CTNNA2: variants seen among roughly 807,000 people sequenced by gnomAD.
CTNNA2 encodes the protein catenin alpha-2.
CTNNA2 carries 42 observed loss-of-function variants against 101.0 expected under a neutral mutation model. The ratio of observed to expected loss-of-function variants is 0.42; its 90% CI spans 0.32 to 0.54. The LOEUF (loss-of-function observed/expected upper bound fraction) is 0.54, where lower values mean the gene tolerates loss of function less well. Ranked by LOEUF, CTNNA2 falls within the 20% of genes least tolerant of loss-of-function variation. The pLI, the probability that CTNNA2 is intolerant of heterozygous loss-of-function variation, is 0.14. For missense variants in CTNNA2, 871 were observed against 1,223.1 expected (o/e 0.71, Z 4.29); for synonymous variants, 450 against 456.4 (o/e 0.99, Z 0.18).
At chr2:79,286,632 C>G (rs1207796108) in intron 2 of CTNNA2, among the ~76,000 whole-genome samples, 1 of 152,214 alleles carries the variant, frequency 6.6e-6, no homozygotes, top group Non-Finnish European at 1.5e-5. Flanking sequence ...TGCTGTTAGT[C>G]TAATGGGCTT....
intron 7 of CTNNA2, among the ~76,000 whole-genome samples, chr2:80,251,429 T>G (rs895317091): frequency 5.3e-5 from 8 of 152,066 alleles, no homozygotes; most frequent in Non-Finnish European, 1.2e-4. Context: ...CCCACCAACT[T>G]CCCAGTTTGA....
intron 3 of CTNNA2, among the ~76,000 whole-genome samples, chr2:79,799,731 A>G (rs573109958): frequency 1.3e-4 from 20 of 152,330 alleles, no homozygotes; most frequent in African/African-American, 4.8e-4. Context: ...TCACAGTCTT[A>G]ATGTCACATT....
At chr2:79,476,992 C>G (rs1250376409) in intron 4 of CTNNA2, among the ~76,000 whole-genome samples, 1 of 152,120 alleles carries the variant, frequency 6.6e-6, no homozygotes, top group East Asian at 1.9e-4. Flanking sequence ...TAATGCTAGA[C>G]TACTACCTTC....
intron 5 of CTNNA2, chr2:79,505,254 T>C (rs1671386562): frequency 3.9e-5 from 6 of 152,246 alleles, no homozygotes. Flanking sequence ...TAATCGTTGG[T>C]TTTTTTCATT....
intron 9 of CTNNA2, among the ~76,000 whole-genome samples, chr2:80,480,577 T>C (rs1055350736): frequency 6.6e-6 from 1 of 152,140 alleles, no homozygotes; most frequent in African/African-American, 2.4e-5. Context: ...CCTGAACCTA[T>C]TGATGTAAAA....
Position 80,047,412 on chromosome 2 carries a change from A to C in CTNNA2, c.1056+137615A>C, listed in dbSNP as rs149777098. On this transcript the variant is annotated intron_variant, in intron 7 of 18. Coordinates refer to ENST00000402739, the MANE Select transcript of CTNNA2 (RefSeq NM_001282597.3). ...ATAGGAGAGCACTGATGTAGGCAAA[A>C]CTCTGCTAACACACAAGTGAATATC... 5.8e-3 allele frequency among the ~76,000 whole-genome samples: 877 copies of C among 152,246 alleles called. 9 individuals carry two copies. Among genetic ancestry groups the C allele is most frequent in the African/African-American group, 0.02 (815 of 41,554 alleles).
chr2:79,674,510 A>G (rs17017510), intron 2 of CTNNA2, among the ~76,000 whole-genome samples: 18,648 of 152,146 alleles, frequency 0.12, 2,114 homozygotes, highest in African/African-American at 0.3. Flanking sequence ...TCTAAATGGC[A>G]TGACCCCATC....
intron 7 of CTNNA2, among the ~76,000 whole-genome samples, chr2:80,044,593 G>C (rs1696392293): frequency 6.6e-6 from 1 of 152,024 alleles, no homozygotes; most frequent in South Asian, 2.1e-4. Flanking sequence ...CTCTCCTGGG[G>C]TGCATTCCCC....
intron 4 of CTNNA2, among the ~76,000 whole-genome samples, chr2:79,403,814 G>A (rs1167030075): frequency 6.6e-6 from 1 of 152,008 alleles, no homozygotes; most frequent in East Asian, 1.9e-4. Flanking sequence ...ACTTCATTGA[G>A]TGTTGATGGG....
chr2:79,510,619 A>T (rs755356848), upstream of CTNNA2, among the ~76,000 whole-genome samples: 9 of 152,162 alleles, frequency 5.9e-5, no homozygotes, highest in Non-Finnish European at 1.0e-4. Context: ...GGTGACTGAA[A>T]CCCATTGCCT....
chr2:79,522,201 A>T (rs1381604212), intron 1 of CTNNA2, among the ~76,000 whole-genome samples: 1 of 152,200 alleles, frequency 6.6e-6, no homozygotes, highest in African/African-American at 2.4e-5. Flanking sequence ...CTCCTGTGTC[A>T]TTGCTGGGCC....
At chr2:79,347,271 A>G (rs571518139) in intron 3 of CTNNA2, among the ~76,000 whole-genome samples, 19 of 152,298 alleles carry the variant, frequency 1.2e-4, no homozygotes, top group Non-Finnish European at 1.0e-4. Flanking sequence ...CTCAAGAGCT[A>G]TTAGTTAAGA....
chr2:80,019,198 T>TG, intron 7 of CTNNA2, among the ~76,000 whole-genome samples: 1 of 152,156 alleles, frequency 6.6e-6, no homozygotes, highest in East Asian at 1.9e-4. Flanking sequence ...GGTATCTGAG[T>TG]GGGGGTCCTG....
intron 4 of CTNNA2, among the ~76,000 whole-genome samples, chr2:79,411,278 G>A (rs1195459569): frequency 1.3e-5 from 2 of 151,710 alleles, no homozygotes; most frequent in African/African-American, 4.8e-5. Flanking sequence ...TTTTTTGAAG[G>A]GTTTTTTGTG....
At chr2:79,829,527 G>A (rs1678741009) in intron 3 of CTNNA2, among the ~76,000 whole-genome samples, 1 of 150,712 alleles carries the variant, frequency 6.6e-6, no homozygotes, top group Admixed American at 6.6e-5. Flanking sequence ...CTGAGATCGC[G>A]CCATTGCACT....
chr2:79,189,442 ATTTTC>A (rs1291968726), intron 1 of CTNNA2, among the ~76,000 whole-genome samples: 1 of 151,910 alleles, frequency 6.6e-6, no homozygotes, highest in Non-Finnish European at 1.5e-5. Flanking sequence ...AAGAGTTGTT[ATTTTC>A]TTCTCTGTTC....
At chr2:79,852,493 C>T (rs1003037197) in intron 3 of CTNNA2, among the ~76,000 whole-genome samples, 1 of 152,212 alleles carries the variant, frequency 6.6e-6, no homozygotes, top group African/African-American at 2.4e-5. Flanking sequence ...CATTCTCACA[C>T]TAGTTCCAGT....
At chr2:79,483,182 G>A (rs1386222109) in intron 4 of CTNNA2, among the ~76,000 whole-genome samples, 1 of 152,210 alleles carries the variant, frequency 6.6e-6, no homozygotes, top group Non-Finnish European at 1.5e-5. Flanking sequence ...ACATGACACA[G>A]TGAAAAGAAA....
chr2:79,629,090 C>T (rs941200601), intron 1 of CTNNA2, among the ~76,000 whole-genome samples: 13 of 152,174 alleles, frequency 8.5e-5, no homozygotes, highest in Admixed American at 3.3e-4. Context: ...TCTCCACTTC[C>T]GTCCCTTCCC....
Sources: gnomAD v4.1 joint callset for allele counts (sites outside exome capture counted in the v4.1 genomes callset) on GRCh38, gnomAD v4.1.1 for gene constraint, MANE v1.5 for transcripts, NCBI Gene and HGNC (gene_info 2026-07-23, HGNC 2026-07-21) for gene names.